The following ARHGAP19 variants were observed in gnomAD, a reference collection of about 807,000 sequenced individuals.
ARHGAP19 encodes the protein Rho GTPase activating protein 19, also known as rho GTPase-activating protein 19.
In ARHGAP19, 48 loss-of-function variants were observed where a neutral mutation model predicts 60.9. That is an observed-to-expected ratio of 0.79 (90% CI 0.62 to 1.00). The LOEUF (loss-of-function observed/expected upper bound fraction) is 1.00. ARHGAP19 is among the 50% of genes least tolerant of loss of function. The pLI is 0.00. For missense variants in ARHGAP19, 562 were observed against 597.2 expected (o/e 0.94, Z 0.61); for synonymous variants, 209 against 215.5 (o/e 0.97, Z 0.27).
intron 1 of ARHGAP19, among the ~76,000 whole-genome samples, chr10:97,285,176 C>T (rs892695967): frequency 2.0e-5 from 3 of 152,022 alleles, no homozygotes; most frequent in Non-Finnish European, 4.4e-5. Context: ...AAAGTATATA[C>T]TCTTAAAGCT....
chr10:97,244,256 A>G (rs1842531338), intron 7 of ARHGAP19, 97 bp from the exon 8 acceptor site: 4 of 904,100 alleles, frequency 4.4e-6, no homozygotes, highest in Non-Finnish European at 3.4e-6. Context: ...GAGAGTGGGG[A>G]CATGGTATAC....
chr10:97,243,987 T>C lies in ARHGAP19; in HGVS notation c.1166A>G (p.Lys389Arg), dbSNP rs756124615. The change falls in exon 8 of 12, where the codon AAG (lysine) becomes AGG (arginine). Residue 389 changes from lysine (K) to arginine (R), a missense_variant. Transcript: ENST00000358531. ...AGGCACCTGTCTAATAAGTTGTTTC[T>C]TCTTTGCTGACTCTGGCATATCATG... is the stretch of plus-strand genomic sequence containing the variant. ...HVHDMPESAKKKQLIRQFNKQ... is the reference protein window; with the variant it reads ...HVHDMPESAKRKQLIRQFNKQ... 2 of 1,610,110 alleles carry C rather than the reference T, an allele frequency of 1.2e-6. No homozygotes were observed. Among genetic ancestry groups the C allele is most frequent in the South Asian group, 2.2e-5 (2 of 90,178 alleles).
chr10:97,275,028 T>G (rs956358433), intron 1 of ARHGAP19: 50 of 152,572 alleles, frequency 3.3e-4, no homozygotes, highest in African/African-American at 1.1e-3. Flanking sequence ...ATAACCCCAA[T>G]GCCAGTGACA....
At chr10:97,253,184 C>T (rs111337634) in intron 6 of ARHGAP19, among the ~76,000 whole-genome samples, 3,396 of 151,836 alleles carry the variant, frequency 0.022, 128 homozygotes, top group African/African-American at 0.075. Context: ...TAGAGACCAC[C>T]CTGGCCAATA....
In ARHGAP19 at chr10:97,250,132, A is replaced by G. The variant is rs550644265; in HGVS notation, c.928-3795T>C. Among the ~76,000 whole-genome samples the G allele has an allele frequency of 9.8e-4, 149 of 152,262 alleles. 1 individual carries two copies. The highest frequency in any genetic ancestry group is 8.8e-3 in the Admixed American group (135 of 15,272). On this transcript the variant is annotated intron_variant, in intron 6 of 11. Transcript: ENST00000358531. Reference sequence around the variant, plus strand: ...ATGTTTATTATTGGGAGATGCATACATAAGTACTTAGGAATGAAGTATCAT... The same window carrying G: ...ATGTTTATTATTGGGAGATGCATACGTAAGTACTTAGGAATGAAGTATCAT...
At position 97,292,613 on chromosome 10, in the gene ARHGAP19, T is replaced by C. The variant is rs376194760; in HGVS notation, c.15A>G (p.Ala5=). 2.4e-5 allele frequency: 39 copies of C among 1,614,220 alleles called. No homozygotes were observed. The highest frequency in any genetic ancestry group is 2.0e-4 in the Admixed American group (12 of 60,014). MATE[A]QSEGEVPARE... ...GGGCTGGCACCTCCCCTTCACTCTG[T>C]GCCTCAGTCGCCATCTTCGTCAGCA... The change falls in exon 1 of 12, where the codon GCA becomes GCG. Residue 5 remains alanine (A), a synonymous_variant. Coordinates refer to ENST00000358531, the MANE Select transcript of ARHGAP19 (RefSeq NM_032900.6).
chr10:97,257,496 A>C (rs181842880), intron 5 of ARHGAP19, among the ~76,000 whole-genome samples: 12 of 152,074 alleles, frequency 7.9e-5, no homozygotes, highest in Admixed American at 5.2e-4. Context: ...CAAGGTCTCA[A>C]GGTCTCACTG....
chr10:97,290,070 A>G (rs1337704285), intron 1 of ARHGAP19, among the ~76,000 whole-genome samples: 1 of 151,274 alleles, frequency 6.6e-6, no homozygotes, highest in Non-Finnish European at 1.5e-5. Context: ...ATTTATAGGC[A>G]GCTTCAAGAG....
chr10:97,286,483 T>C (rs1843156898), intron 1 of ARHGAP19, among the ~76,000 whole-genome samples: 1 of 152,170 alleles, frequency 6.6e-6, no homozygotes, highest in Non-Finnish European at 1.5e-5. Context: ...TCCCAGCTAC[T>C]GAGGAGGCTA....
rs869291841 is a variant in ARHGAP19, at chr10:97,231,059, C to CAAAAAAAAAAA, written c.1285-1196_1285-1186dup. Reference sequence around the variant, plus strand: ...ACACCTAGTGAGACTCTTGTCTCACCAAAAAAAAAAAAAAAAAAAAAAAAA... The same window carrying CAAAAAAAAAAA: ...ACACCTAGTGAGACTCTTGTCTCACCAAAAAAAAAAAAAAAAAAAAAAAAAAAAAAAAAAAA... On this transcript the variant is annotated intron_variant, in intron 9 of 11. Transcript: ENST00000358531. 9.0e-4 allele frequency among the ~76,000 whole-genome samples: 54 copies of CAAAAAAAAAAA among 59,764 alleles called. 1 individual carries two copies. The highest frequency in any genetic ancestry group is 1.2e-3 in the Non-Finnish European group (41 of 35,046). The allele number at this position is 59,764 out of a possible 152,430, so 39.2% of individuals were successfully genotyped here. A position where few individuals can be genotyped will look rare whatever the true frequency, so the allele number is the denominator to read the frequency against.
rs1015639525 is a variant in ARHGAP19, at chr10:97,285,914, T to C, written c.56+6658A>G. On this transcript the variant is annotated intron_variant, in intron 1 of 11. Transcript: ENST00000358531. The stretch of plus-strand genomic sequence containing the variant: ...CCCAATTGTTCTGACCAAAGTAAAC[T>C]TGTGCAACAATATCTGCTTTGCTTT... Among the ~76,000 whole-genome samples the C allele has an allele frequency of 3.3e-5, 5 of 152,242 alleles. No homozygotes were observed. The East Asian group carries it at 9.6e-4, about 29-fold the overall frequency.
rs1843042334 is a variant in ARHGAP19 at position 97,278,187 on chromosome 10, G to T, written c.57-12062C>A. The T allele has an allele frequency of 4.6e-5, 7 of 153,318 alleles. No individual in the cohort carries two copies. In the Admixed American group the frequency reaches 4.6e-4, roughly 10 times the overall value. The allele number at this position is 153,318 out of a possible 1,614,324, so 9.5% of individuals were successfully genotyped here. A position where few individuals can be genotyped will look rare whatever the true frequency, so the allele number is the denominator to read the frequency against. ...ACTATCTTTCAAGATGTCCCACATG[G>T]AAGACGCTATTCCAGGATCTTTCGA... is the stretch of plus-strand genomic sequence containing the variant. On this transcript the variant is annotated intron_variant, in intron 1 of 11. Coordinates refer to ENST00000358531, the MANE Select transcript of ARHGAP19 (RefSeq NM_032900.6).
chr10:97,254,600 C>T (rs1471636288), intron 6 of ARHGAP19, among the ~76,000 whole-genome samples: 5 of 152,200 alleles, frequency 3.3e-5, no homozygotes, highest in African/African-American at 1.2e-4. Flanking sequence ...AAACATAAGG[C>T]AAAAGCTTCA....
chr10:97,259,380 T>C, intron 5 of ARHGAP19, 22 bp downstream of exon 5: 1 of 1,587,064 alleles, frequency 6.3e-7, no homozygotes, highest in Non-Finnish European at 8.7e-7. Context: ...AAGCAATCTT[T>C]ACTCTTCCCG....
intron 4 of ARHGAP19, among the ~76,000 whole-genome samples, chr10:97,259,858 C>G (rs1842805834): frequency 2.2e-5 from 1 of 45,034 alleles, no homozygotes; most frequent in Non-Finnish European, 6.0e-5. Flanking sequence ...TTTTTTGAGA[C>G]AAAGTCTTGC....
At position 97,289,867 on chromosome 10, in the gene ARHGAP19, G is replaced by A. The variant is rs796086321; in HGVS notation, c.56+2705C>T. ...AGCCCTGTGTTAAAAAAAAAAAAAA[G>A]AAAGAAAGAAAGAAAAGAAAAAGAA... On this transcript the variant is annotated intron_variant, in intron 1 of 11. Coordinates refer to ENST00000358531, the MANE Select transcript of ARHGAP19 (RefSeq NM_032900.6). Among the ~76,000 whole-genome samples the A allele has an allele frequency of 3.4e-5, 5 of 147,042 alleles. No homozygotes were observed. The South Asian group carries it at 8.7e-4, about 26-fold the overall frequency.
chr10:97,239,326 C>G (rs902421210), intron 8 of ARHGAP19, among the ~76,000 whole-genome samples: 2 of 151,954 alleles, frequency 1.3e-5, no homozygotes, highest in African/African-American at 4.8e-5. Context: ...AACCCCGTCT[C>G]TACTAAAATA....
At chr10:97,286,186 C>T (rs1410694117) in intron 1 of ARHGAP19, among the ~76,000 whole-genome samples, 1 of 152,196 alleles carries the variant, frequency 6.6e-6, no homozygotes, top group Non-Finnish European at 1.5e-5. Flanking sequence ...TCTCACTTAA[C>T]TGTGCATGTA....
Position 97,249,059 on chromosome 10 carries a change from T to C in ARHGAP19, c.928-2722A>G, listed in dbSNP as rs112771010. Among the ~76,000 whole-genome samples, 95 of 152,222 alleles carry C rather than the reference T, an allele frequency of 6.2e-4. 2 individuals carry two copies. Among genetic ancestry groups the C allele is most frequent in the Admixed American group, 1.6e-3 (25 of 15,264 alleles). On this transcript the variant is annotated intron_variant, in intron 6 of 11. Transcript: ENST00000358531. ...TATCAACATTATAAGTAAAATTGAC[T>C]AACACTTTGGAAAAATAAAAATCCA...
Sources: gnomAD v4.1 joint callset for allele counts (sites outside exome capture counted in the v4.1 genomes callset) on GRCh38, gnomAD v4.1.1 for gene constraint, MANE v1.5 for transcripts, NCBI Gene and HGNC (gene_info 2026-07-23, HGNC 2026-07-21) for gene names.